Variants in CCDC150 observed in about 807,000 individuals in gnomAD.
CCDC150 encodes coiled-coil domain containing 150.
In CCDC150, 151 loss-of-function variants were observed where a neutral mutation model predicts 156.5. That is an observed-to-expected ratio of 0.97 (90% CI 0.85 to 1.10). The LOEUF (loss-of-function observed/expected upper bound fraction) is 1.10. CCDC150 is among the 50% of genes least tolerant of loss of function. CCDC150 has a pLI of 0.00. For missense variants in CCDC150, 1,312 were observed against 1,268.1 expected, an observed-to-expected ratio of 1.03 and a Z score of -0.53; for synonymous variants, 452 against 429.4, an observed-to-expected ratio of 1.05 and a Z score of -0.65.
rs770304634 is a variant in CCDC150, at chr2:196,718,468, G to A, written c.1867-35G>A. ...TATGTCTTATTCTAATCACTGATTT[G>A]TAATGTTATTTATTGTTTCTTTTTT... On this transcript the variant is annotated intron_variant, in intron 17 of 27. Coordinates refer to ENST00000389175, the MANE Select transcript of CCDC150 (RefSeq NM_001080539.2). The A allele has an allele frequency of 3.2e-5, 48 of 1,519,078 alleles. No individual in the cohort carries two copies. The Middle Eastern group carries it at 6.8e-4, about 22-fold the overall frequency. 94.1% of individuals were successfully genotyped at this position (1,519,078 alleles called of 1,614,324 possible). A position where few individuals can be genotyped will look rare whatever the true frequency, so the allele number is the denominator to read the frequency against.
intron 5 of CCDC150, among the ~76,000 whole-genome samples, chr2:196,662,194 T>C (rs569337000): frequency 1.3e-5 from 2 of 152,296 alleles, no homozygotes; most frequent in East Asian, 3.9e-4. Flanking sequence ...TTACATAAGA[T>C]TGTAATATTT....
At chr2:196,666,656 T>A (rs948920508) in intron 6 of CCDC150, 63 bp from the exon 7 acceptor site, 97 of 1,411,944 alleles carry the variant, frequency 6.9e-5, no homozygotes, top group Non-Finnish European at 8.6e-5. Context: ...ATACATGTGC[T>A]ATAAGGCAGC....
intron 5 of CCDC150, among the ~76,000 whole-genome samples, chr2:196,662,858 C>A (rs1693633759): frequency 6.6e-6 from 1 of 150,546 alleles, no homozygotes; most frequent in Admixed American, 6.6e-5. Flanking sequence ...ATCACTTGAG[C>A]CTGGGAGGTC....
intron 21 of CCDC150, among the ~76,000 whole-genome samples, chr2:196,724,555 C>T (rs1698103947): frequency 1.3e-5 from 2 of 152,016 alleles, no homozygotes; most frequent in African/African-American, 4.8e-5. Flanking sequence ...ATGGTGGTTA[C>T]TGTTGTTATT....
At chr2:196,653,219 G>T (rs1281314346) in intron 2 of CCDC150, among the ~76,000 whole-genome samples, 1 of 152,200 alleles carries the variant, frequency 6.6e-6, no homozygotes, top group Non-Finnish European at 1.5e-5. Context: ...TCCTGAAAAT[G>T]TTCTTTCATT....
At chr2:196,717,983 A>G (rs1013911417) in intron 17 of CCDC150, among the ~76,000 whole-genome samples, 1 of 152,134 alleles carries the variant, frequency 6.6e-6, no homozygotes, top group Non-Finnish European at 1.5e-5. Context: ...AAAGTTTAAA[A>G]GGGGTAATAT....
chr2:196,663,596 T>C (rs540429674), intron 5 of CCDC150, among the ~76,000 whole-genome samples: 59 of 152,270 alleles, frequency 3.9e-4, no homozygotes, highest in African/African-American at 1.4e-3. Context: ...CTCACAAGTA[T>C]GTTCAGGAGA....
intron 10 of CCDC150, among the ~76,000 whole-genome samples, chr2:196,675,744 G>A (rs1205426092): frequency 6.6e-6 from 1 of 152,156 alleles, no homozygotes; most frequent in African/African-American, 2.4e-5. Flanking sequence ...TGCAGATAGA[G>A]AGGAAAGGAT....
Position 196,666,860 on chromosome 2 carries a change from G to A in CCDC150, c.892+12G>A. 1.2e-6 allele frequency: 2 copies of A among 1,613,156 alleles called. No individual in the cohort carries two copies. Among genetic ancestry groups the A allele is most frequent in the Non-Finnish European group, 1.7e-6 (2 of 1,179,542 alleles). ...CAAATCTGATCTAAGTATGAAAATA[G>A]ATGCTAGAAATCACCCTCTTGTTAG... On this transcript the variant is annotated intron_variant, in intron 7 of 27. Transcript: ENST00000389175.
rs146992916 is a variant in CCDC150, at chr2:196,718,897, C to T, written c.1995+266C>T. On this transcript the variant is annotated intron_variant, in intron 18 of 27. Coordinates refer to ENST00000389175, the MANE Select transcript of CCDC150 (RefSeq NM_001080539.2). ...AAAGTTCTAATTTTTTCTTTTGAAA[C>T]ACATCTGATCTTGGTAATAATAACC... Among the ~76,000 whole-genome samples, 654 of 151,956 alleles carry T rather than the reference C, an allele frequency of 4.3e-3. 14 individuals are homozygous for T. The highest frequency in any genetic ancestry group is 0.02 in the East Asian group (106 of 5,184).
chr2:196,705,331 T>G (rs1049142831), intron 15 of CCDC150, among the ~76,000 whole-genome samples: 1 of 152,242 alleles, frequency 6.6e-6, no homozygotes, highest in Admixed American at 6.5e-5. Flanking sequence ...TTCATGTGTC[T>G]GTTGGCTGCA....
chr2:196,700,485 T>G (rs925005181), intron 14 of CCDC150, among the ~76,000 whole-genome samples: 1 of 152,216 alleles, frequency 6.6e-6, no homozygotes, highest in Non-Finnish European at 1.5e-5. Flanking sequence ...TTTTTTCTGA[T>G]GTAGTCTGAG....
At chr2:196,730,833 T>C in intron 25 of CCDC150, 26 bp from the exon 26 acceptor site, 2 of 1,539,784 alleles carry the variant, frequency 1.3e-6, no homozygotes, top group South Asian at 1.2e-5. Flanking sequence ...TGGAAGTTTA[T>C]AAAAATCTTT....
chr2:196,723,670 A>G (rs1698049651), intron 21 of CCDC150, among the ~76,000 whole-genome samples: 1 of 152,178 alleles, frequency 6.6e-6, no homozygotes, highest in Admixed American at 6.5e-5. Context: ...GAGGTAAGGA[A>G]AGAGTTGGTA....
rs74573714 is a variant in CCDC150, at chr2:196,719,247, G to A, written c.1996-250G>A. On this transcript the variant is annotated intron_variant, in intron 18 of 27. Coordinates refer to ENST00000389175, the MANE Select transcript of CCDC150 (RefSeq NM_001080539.2). ...TGAGTCAGGCCTCTCTGGTTAATGTGTATGCTGTAACATGACCACAGTTGG... is the reference window on the plus strand; with the variant it reads ...TGAGTCAGGCCTCTCTGGTTAATGTATATGCTGTAACATGACCACAGTTGG... 4.1e-3 allele frequency: 1,266 copies of A among 308,260 alleles called. 13 individuals are homozygous for A. Among genetic ancestry groups the A allele is most frequent in the African/African-American group, 0.026 (1,181 of 46,162 alleles). The allele number at this position is 308,260 out of a possible 1,614,324, so 19.1% of individuals were successfully genotyped here. A position where few individuals can be genotyped will look rare whatever the true frequency, so the allele number is the denominator to read the frequency against.
intron 14 of CCDC150, among the ~76,000 whole-genome samples, chr2:196,699,576 A>G (rs930233736): frequency 6.6e-6 from 1 of 151,818 alleles, no homozygotes; most frequent in African/African-American, 2.4e-5. Context: ...CTGGAGTGCA[A>G]TGGCACCATC....
chr2:196,672,204 C>T, intron 8 of CCDC150, 141 bp from the exon 9 acceptor site: 1 of 422,162 alleles, frequency 2.4e-6, no homozygotes. Flanking sequence ...TTTATACATT[C>T]TTTATAAGAC....
intron 13 of CCDC150, among the ~76,000 whole-genome samples, chr2:196,690,512 C>T (rs1441881179): frequency 1.3e-5 from 2 of 151,264 alleles, no homozygotes; most frequent in Admixed American, 1.3e-4. Context: ...ATTCATTTGC[C>T]AGTTTTTCAT....
chr2:196,730,989 A>G (rs780069193), intron 26 of CCDC150, 44 bp downstream of exon 26: 3 of 1,469,738 alleles, frequency 2.0e-6, no homozygotes, highest in Admixed American at 2.1e-5. Flanking sequence ...GTTTCCTTCA[A>G]CACAGCAACC....
Sources: gnomAD v4.1 joint callset for allele counts (sites outside exome capture counted in the v4.1 genomes callset) on GRCh38, gnomAD v4.1.1 for gene constraint, MANE v1.5 for transcripts, NCBI Gene and HGNC (gene_info 2026-07-23, HGNC 2026-07-21) for gene names.